WDSUB1: variants seen among roughly 807,000 people sequenced by gnomAD.
WDSUB1 encodes WD repeat, SAM and U-box domain-containing protein 1.
A neutral mutation model predicts 53.9 loss-of-function variants in WDSUB1; 49 were observed. The ratio of observed to expected loss-of-function variants is 0.91; its 90% CI spans 0.72 to 1.15. The LOEUF (loss-of-function observed/expected upper bound fraction) is 1.15. Ranked by LOEUF, WDSUB1 falls within the 50% of genes most tolerant of loss-of-function variation. The pLI is 0.00. For missense variants in WDSUB1, 514 were observed against 562.0 expected (o/e 0.91, Z 0.86); for synonymous variants, 194 against 200.6 (o/e 0.97, Z 0.28).
In WDSUB1 at chr2:159,275,536, G is replaced by A; in HGVS notation, c.676+10C>T. ...AATAATTTTAGAGAAGCACTATTTG[G>A]CATACATACCTAAGATATGGGTAAA... On this transcript the variant is annotated intron_variant, in intron 4 of 10. Transcript: ENST00000359774. The A allele has an allele frequency of 6.3e-7, 1 of 1,576,610 alleles. No individual in the cohort carries two copies.
At position 159,236,136 on chromosome 2, in the gene WDSUB1, C is replaced by A; in HGVS notation, c.1328G>T (p.Arg443Leu). The A allele has an allele frequency of 6.2e-7, 1 of 1,613,300 alleles. No homozygotes were observed. The highest frequency in any genetic ancestry group is 8.5e-7 in the Non-Finnish European group (1 of 1,179,738). ...AACAAGATTTGTCATGGGACTTGTA[C>A]GTTTCTTTTTGCTGATCCAATTTTC... Reference protein sequence around the residue: ...AMENWISKKKRTSPMTNLVLP... With the variant: ...AMENWISKKKLTSPMTNLVLP... Residue 443 changes from arginine (R) to leucine (L), a missense_variant, in exon 11 of 11, where the codon CGT becomes CTT. Arg to Leu is a moderately radical substitution (Grantham distance 102, BLOSUM62 -2). Transcript: ENST00000359774.
intron 10 of WDSUB1, 126 bp downstream of exon 10, chr2:159,248,246 T>C: frequency 9.2e-7 from 1 of 1,086,224 alleles, no homozygotes; most frequent in Non-Finnish European, 1.3e-6. Flanking sequence ...TCACCCAAGG[T>C]TTAATTAGTT....
chr2:159,283,729 C>T (rs1469613054), intron 1 of WDSUB1, among the ~76,000 whole-genome samples: 2 of 152,100 alleles, frequency 1.3e-5, no homozygotes, highest in East Asian at 3.8e-4. Flanking sequence ...TCACTCATGC[C>T]CTCACCTCCT....
At chr2:159,241,577 T>C (rs2060648577) in intron 10 of WDSUB1, among the ~76,000 whole-genome samples, 1 of 141,836 alleles carries the variant, frequency 7.1e-6, no homozygotes, top group South Asian at 2.2e-4. Context: ...AAAAATTATC[T>C]TGACAGCTAA....
At chr2:159,248,948 A>G (rs1396438088) in intron 9 of WDSUB1, among the ~76,000 whole-genome samples, 4 of 152,216 alleles carry the variant, frequency 2.6e-5, no homozygotes, top group Admixed American at 2.0e-4. Flanking sequence ...ATCTTCTGAC[A>G]TACTGTTTTA....
rs2061103807 is a variant in WDSUB1 at position 159,257,945 on chromosome 2, C to G, written c.845G>C (p.Arg282Thr). ...ATACAAGGTGAGGTTAAGTTCAGAC[C>G]TGGTGTGCTGAGTCAATGTGTGAAG... ...NILHTLTQHT[R>T]YVTTCAFAPN... Residue 282 changes from arginine (R) to threonine (T), a missense_variant and splice_region_variant, in exon 7 of 11, where the codon AGG (arginine) becomes ACG (threonine). Physicochemically the swap from Arg to Thr is moderately conservative, Grantham distance 71. Transcript: ENST00000359774. The G allele has an allele frequency of 6.2e-7, 1 of 1,613,388 alleles. No homozygotes were observed. The highest frequency in any genetic ancestry group is 8.5e-7 in the Non-Finnish European group (1 of 1,179,658).
At position 159,241,719 on chromosome 2, in the gene WDSUB1, C is replaced by CTTTTCTTTT. The variant is rs1553625630; in HGVS notation, c.1274-5530_1274-5529insAAAAGAAAA. The stretch of plus-strand genomic sequence containing the variant: ...CATGACTGGGGATGTTTTCTTTTTT[C>CTTTTCTTTT]TTTTTTTTTTTGAGATGGAGTCTCA... On this transcript the variant is annotated intron_variant, in intron 10 of 10. Transcript: ENST00000359774. Among the ~76,000 whole-genome samples, 13 of 130,380 alleles carry CTTTTCTTTT rather than the reference C, an allele frequency of 1.0e-4. 1 individual carries two copies. Among genetic ancestry groups the CTTTTCTTTT allele is most frequent in the Admixed American group, 1.5e-4 (2 of 13,166 alleles). 85.5% of individuals were successfully genotyped at this position (130,380 alleles called of 152,430 possible).
intron 2 of WDSUB1, among the ~76,000 whole-genome samples, chr2:159,280,235 G>A (rs955769306): frequency 3.3e-5 from 5 of 152,146 alleles, no homozygotes; most frequent in South Asian, 2.1e-4. Flanking sequence ...TTTCCACAGG[G>A]CAAATCAGTA....
chr2:159,260,728 T>A (rs2061170657), intron 5 of WDSUB1, among the ~76,000 whole-genome samples: 1 of 152,166 alleles, frequency 6.6e-6, no homozygotes, highest in Non-Finnish European at 1.5e-5. Context: ...AAATGAGTAA[T>A]TTAAAACAAT....
chr2:159,254,685 G>A (rs2061023090), intron 9 of WDSUB1, among the ~76,000 whole-genome samples: 2 of 152,166 alleles, frequency 1.3e-5, no homozygotes. Context: ...TTCATATTGT[G>A]AAGTAATTCT....
intron 1 of WDSUB1, 47 bp from the exon 2 acceptor site, chr2:159,283,140 A>T: frequency 6.7e-7 from 1 of 1,496,242 alleles, no homozygotes; most frequent in Non-Finnish European, 9.0e-7. Flanking sequence ...GGAATCAGAT[A>T]CATGCAATTT....
At chr2:159,279,662 A>T in intron 3 of WDSUB1, 99 bp downstream of exon 3, 1 of 1,090,108 alleles carries the variant, frequency 9.2e-7, no homozygotes, top group Non-Finnish European at 1.3e-6. Context: ...TCCTCACTCT[A>T]CTAATGATAA....
At chr2:159,245,248 C>G (rs147405594) in intron 10 of WDSUB1, among the ~76,000 whole-genome samples, 1 of 152,078 alleles carries the variant, frequency 6.6e-6, no homozygotes, top group Non-Finnish European at 1.5e-5. Context: ...ATAAAGCAGC[C>G]GGACACCGTG....
At chr2:159,277,984 C>T (rs1349072628) in intron 3 of WDSUB1, among the ~76,000 whole-genome samples, 1 of 152,108 alleles carries the variant, frequency 6.6e-6, no homozygotes, top group African/African-American at 2.4e-5. Flanking sequence ...GTGAGCCTTT[C>T]CTGACCCCAT....
chr2:159,273,782 T>C (rs2061487879), intron 4 of WDSUB1, among the ~76,000 whole-genome samples: 1 of 152,222 alleles, frequency 6.6e-6, no homozygotes, highest in African/African-American at 2.4e-5. Flanking sequence ...AAAAAGTCAG[T>C]GTCAACATAT....
At chr2:159,261,770 T>C (rs2061193146) in intron 5 of WDSUB1, among the ~76,000 whole-genome samples, 1 of 147,508 alleles carries the variant, frequency 6.8e-6, no homozygotes, top group Non-Finnish European at 1.5e-5. Flanking sequence ...GCTACATGGC[T>C]GGGGGTCAGG....
chr2:159,264,393 A>G (rs906617759), intron 5 of WDSUB1, among the ~76,000 whole-genome samples: 1 of 152,260 alleles, frequency 6.6e-6, no homozygotes, highest in Admixed American at 6.5e-5. Context: ...AGCCTTCTTC[A>G]GCTAGTCATT....
Position 159,258,003 on chromosome 2 carries a change from C to A in WDSUB1, c.805-18G>T, listed in dbSNP as rs777272242. On this transcript the variant is annotated intron_variant, in intron 6 of 10. Transcript: ENST00000359774. ...TCAGTATTCTGAAAAACAATAAAAA[C>A]AGCTTTAAATTTACTCAAGTAAGAG... The A allele has an allele frequency of 6.2e-7, 1 of 1,610,358 alleles. No homozygotes were observed. Among genetic ancestry groups the A allele is most frequent in the African/African-American group, 1.3e-5 (1 of 74,780 alleles).
chr2:159,259,069 G>A (rs2061134321), intron 6 of WDSUB1, among the ~76,000 whole-genome samples: 1 of 151,630 alleles, frequency 6.6e-6, no homozygotes, highest in Admixed American at 6.6e-5. Context: ...TGTTGCCCAG[G>A]CTGGAGTGCA....
Sources: gnomAD v4.1 joint callset for allele counts (sites outside exome capture counted in the v4.1 genomes callset) on GRCh38, gnomAD v4.1.1 for gene constraint, MANE v1.5 for transcripts, NCBI Gene and HGNC (gene_info 2026-07-23, HGNC 2026-07-21) for gene names.